Variants in CNTN4 observed in about 807,000 individuals in gnomAD.
The protein encoded by CNTN4 is contactin 4.
A neutral mutation model predicts 122.5 loss-of-function variants in CNTN4; 77 were observed. The observed-to-expected ratio is 0.63, with a 90% CI of 0.52 to 0.76. CNTN4 has a LOEUF of 0.76. CNTN4 is among the 30% of genes least tolerant of loss of function. The probability of loss-of-function intolerance (pLI) is 0.00; values close to 1 mark genes in which losing one functional copy is unlikely to be tolerated. For missense variants in CNTN4, 1,256 were observed against 1,259.1 expected, an observed-to-expected ratio of 1.00 and a Z score of 0.04; for synonymous variants, 512 against 447.0, an observed-to-expected ratio of 1.15 and a Z score of -1.83.
chr3:2,158,114 G>T (rs566477779), intron 2 of CNTN4, among the ~76,000 whole-genome samples: 10 of 152,138 alleles, frequency 6.6e-5, no homozygotes, highest in Non-Finnish European at 1.5e-4. Context: ...TATGGGAAAT[G>T]AGAATGCTTG....
At chr3:2,780,974 A>G (rs577045759) in intron 6 of CNTN4, among the ~76,000 whole-genome samples, 3 of 152,332 alleles carry the variant, frequency 2.0e-5, no homozygotes, top group African/African-American at 7.2e-5. Context: ...TGAGCACATG[A>G]GACTGTTCTG....
intron 3 of CNTN4, among the ~76,000 whole-genome samples, chr3:2,340,702 T>TAGAG (rs1330266104): frequency 7.0e-5 from 1 of 14,358 alleles, no homozygotes; most frequent in African/African-American, 1.1e-4. Context: ...TATATATATA[T>TAGAG]ATATATATAG....
At chr3:2,579,599 G>T (rs1411679588) in intron 4 of CNTN4, among the ~76,000 whole-genome samples, 2 of 152,052 alleles carry the variant, frequency 1.3e-5, no homozygotes, top group African/African-American at 4.8e-5. Flanking sequence ...TATCTGTGAG[G>T]ATTGAGAACG....
At chr3:2,628,504 C>A (rs1032432371) in intron 4 of CNTN4, among the ~76,000 whole-genome samples, 11 of 152,336 alleles carry the variant, frequency 7.2e-5, no homozygotes, top group African/African-American at 2.4e-4. Context: ...CAGTGGATAT[C>A]TGATGCAGTT....
At chr3:2,736,405 C>A in intron 5 of CNTN4, 64 bp downstream of exon 5, 1 of 1,302,462 alleles carries the variant, frequency 7.7e-7, no homozygotes, top group Non-Finnish European at 1.1e-6. Context: ...TCAACAAATA[C>A]TTATACAATG....
At chr3:2,737,332 C>T (rs777674841) in intron 5 of CNTN4, among the ~76,000 whole-genome samples, 2 of 152,062 alleles carry the variant, frequency 1.3e-5, no homozygotes, top group South Asian at 2.1e-4. Flanking sequence ...CTGCCCGCCT[C>T]GGCCTCCCAA....
chr3:2,369,985 T>C (rs2045572981), intron 3 of CNTN4, among the ~76,000 whole-genome samples: 1 of 152,150 alleles, frequency 6.6e-6, no homozygotes. Flanking sequence ...CCATTAATTT[T>C]CCAAAGAGCC....
chr3:3,025,231 A>G (rs1034516121), intron 14 of CNTN4, among the ~76,000 whole-genome samples: 1 of 152,164 alleles, frequency 6.6e-6, no homozygotes, highest in South Asian at 2.1e-4. Flanking sequence ...ACTATAATGT[A>G]AAGGGTGAAT....
intron 2 of CNTN4, among the ~76,000 whole-genome samples, chr3:2,258,929 T>A (rs1265815898): frequency 6.6e-6 from 1 of 152,184 alleles, no homozygotes; most frequent in African/African-American, 2.4e-5. Flanking sequence ...AGGGATTGAT[T>A]GTGTACTCTT....
chr3:2,804,736 A>AATTTTTTTTTTTTTTTTTT (rs1559521829), intron 6 of CNTN4, among the ~76,000 whole-genome samples: 4 of 112,756 alleles, frequency 3.5e-5, no homozygotes, highest in East Asian at 4.5e-4. Flanking sequence ...TATTTTGAGC[A>AATTTTTTTTTTTTTTTTTT]CTTTTTTTTT....
intron 4 of CNTN4, among the ~76,000 whole-genome samples, chr3:2,698,431 G>T (rs894304368): frequency 2.1e-4 from 32 of 152,244 alleles, no homozygotes; most frequent in African/African-American, 7.0e-4. Flanking sequence ...ACTTCATGCG[G>T]ACCACGCCGT....
At chr3:2,786,242 C>T (rs549014780) in intron 6 of CNTN4, among the ~76,000 whole-genome samples, 2 of 152,266 alleles carry the variant, frequency 1.3e-5, no homozygotes, top group African/African-American at 4.8e-5. Flanking sequence ...AGTGCAGGTG[C>T]AAGAGGCTGT....
intron 2 of CNTN4, among the ~76,000 whole-genome samples, chr3:2,132,820 T>C (rs1236434600): frequency 6.6e-6 from 1 of 152,140 alleles, no homozygotes; most frequent in East Asian, 1.9e-4. Context: ...AGGGCCCATT[T>C]CTCTGTTTTT....
intron 3 of CNTN4, among the ~76,000 whole-genome samples, chr3:2,383,689 A>G (rs1290317223): frequency 1.8e-5 from 2 of 112,456 alleles, no homozygotes; most frequent in African/African-American, 3.6e-5. Flanking sequence ...TCCTCTCCCT[A>G]TCCTTCCCTT....
chr3:2,406,994 C>G (rs1476043089), intron 3 of CNTN4, among the ~76,000 whole-genome samples: 1 of 152,266 alleles, frequency 6.6e-6, no homozygotes, highest in East Asian at 1.9e-4. Context: ...AATCCAAAGT[C>G]TTAAATTCCA....
intron 4 of CNTN4, among the ~76,000 whole-genome samples, chr3:2,693,913 G>A (rs1303452790): frequency 6.6e-6 from 1 of 152,104 alleles, no homozygotes; most frequent in Non-Finnish European, 1.5e-5. Context: ...CAAACCTTCA[G>A]TGGCTCCTGT....
At chr3:2,414,570 G>A (rs2047344984) in intron 3 of CNTN4, among the ~76,000 whole-genome samples, 2 of 151,954 alleles carry the variant, frequency 1.3e-5, no homozygotes, top group African/African-American at 2.4e-5. Flanking sequence ...AATAGTAATT[G>A]ATATTATTTA....
At chr3:2,979,075 G>T (rs150982701) in intron 13 of CNTN4, among the ~76,000 whole-genome samples, 1 of 152,334 alleles carries the variant, frequency 6.6e-6, no homozygotes, top group Non-Finnish European at 1.5e-5. Context: ...GATAGCTCTG[G>T]TGGCTTATCT....
At chr3:2,725,686 G>A (rs1404448709) in intron 4 of CNTN4, among the ~76,000 whole-genome samples, 1 of 152,164 alleles carries the variant, frequency 6.6e-6, no homozygotes, top group Non-Finnish European at 1.5e-5. Context: ...GATTTTTAGG[G>A]AGTAGTTGAT....
Sources: gnomAD v4.1 joint callset for allele counts (sites outside exome capture counted in the v4.1 genomes callset) on GRCh38, gnomAD v4.1.1 for gene constraint, MANE v1.5 for transcripts, NCBI Gene and HGNC (gene_info 2026-07-23, HGNC 2026-07-21) for gene names.